Variants in KHDC4 observed in about 807,000 individuals in gnomAD.
The protein encoded by KHDC4 is KH homology domain-containing protein 4.
A neutral mutation model predicts 74.5 loss-of-function variants in KHDC4; 19 were observed. The observed-to-expected ratio is 0.26, with a 90% CI of 0.18 to 0.37. KHDC4 has a LOEUF of 0.37. Among genes scored for constraint, KHDC4 ranks in the 10% least tolerant of loss-of-function variants. The pLI, the probability that KHDC4 is intolerant of heterozygous loss-of-function variation, is 1.00. For synonymous variants in KHDC4, 253 were observed against 266.1 expected, an observed-to-expected ratio of 0.95 and a Z score of 0.48; for missense variants, 632 against 754.1, an observed-to-expected ratio of 0.84 and a Z score of 1.90.
rs1229465309 is a variant in KHDC4, at chr1:155,929,286, G to C, written c.464+10C>G. ...CAACCCTTCCATAAACAAGATAAGA[G>C]AATACGCACCCTGGTCCCACTTTGG... On this transcript the variant is annotated intron_variant, in intron 4 of 13. Transcript: ENST00000368321. 1 of 1,602,282 alleles carries C rather than the reference G, an allele frequency of 6.2e-7. No homozygotes were observed. Among genetic ancestry groups the C allele is most frequent in the African/African-American group, 1.3e-5 (1 of 74,772 alleles).
At chr1:155,923,188 GAAAA>G (rs558697123) in intron 8 of KHDC4, among the ~76,000 whole-genome samples, 8 of 120,820 alleles carry the variant, frequency 6.6e-5, no homozygotes, top group African/African-American at 2.4e-4. Flanking sequence ...CTGGGCGACA[GAAAA>G]AAAAAAAAAA....
chr1:155,928,433 C>T (rs576677130), intron 4 of KHDC4, among the ~76,000 whole-genome samples: 142 of 152,032 alleles, frequency 9.3e-4, no homozygotes, highest in African/African-American at 3.3e-3. Context: ...ATTTTGCCAC[C>T]TTATTTTGTG....
Position 155,926,763 on chromosome 1 carries a change from A to G in KHDC4, c.594T>C (p.Asn198=). The change falls in exon 6 of 14, where the codon AAT becomes AAC. Residue 198 remains asparagine (N), a synonymous_variant. Coordinates refer to ENST00000368321, the MANE Select transcript of KHDC4 (RefSeq NM_014949.4). ...KAATGTSPTF[N]GATVTVYHQP... ...GGTGATAGACAGTTACTGTTGCACC[A>G]TTAAAAGTTGGACTTGTTCCTGTGG... is the stretch of plus-strand genomic sequence containing the variant. The G allele has an allele frequency of 1.2e-6, 2 of 1,614,208 alleles. No individual in the cohort carries two copies. Among genetic ancestry groups the G allele is most frequent in the South Asian group, 1.1e-5 (1 of 91,082 alleles).
At chr1:155,930,751 GA>G (rs1674123456) in intron 2 of KHDC4, among the ~76,000 whole-genome samples, 1 of 152,046 alleles carries the variant, frequency 6.6e-6, no homozygotes, top group Non-Finnish European at 1.5e-5. Context: ...AAAGAAGAAT[GA>G]AAAAACAGTA....
chr1:155,933,464 T>C (rs945840206), intron 2 of KHDC4, 169 bp downstream of exon 2: 15 of 507,324 alleles, frequency 3.0e-5, no homozygotes, highest in African/African-American at 2.9e-4. Context: ...TTTTGTATTT[T>C]CAGTAGAGAC....
intron 10 of KHDC4, among the ~76,000 whole-genome samples, chr1:155,918,396 CTAAT>C (rs1175454152): frequency 1.3e-5 from 2 of 152,104 alleles, no homozygotes; most frequent in African/African-American, 2.4e-5. Flanking sequence ...CCATGCACAA[CTAAT>C]TTTTTTTTGT....
At chr1:155,930,890 T>G (rs1393598866) in intron 2 of KHDC4, among the ~76,000 whole-genome samples, 3 of 152,142 alleles carry the variant, frequency 2.0e-5, no homozygotes, top group Non-Finnish European at 4.4e-5. Context: ...GGTTCGTGCC[T>G]GTAATCCCAG....
At chr1:155,923,179 T>C (rs1355253258) in intron 8 of KHDC4, among the ~76,000 whole-genome samples, 2 of 148,880 alleles carry the variant, frequency 1.3e-5, no homozygotes, top group Non-Finnish European at 3.0e-5. Context: ...CACTCCAGCC[T>C]GGGCGACAGA....
Position 155,926,996 on chromosome 1 carries a change from T to C in KHDC4, c.517+108A>G, listed in dbSNP as rs1572011902. The C allele has an allele frequency of 1.2e-5, 16 of 1,325,142 alleles. No homozygotes were observed. In the East Asian group the frequency reaches 1.4e-4, roughly 11 times the overall value. The allele number at this position is 1,325,142 out of a possible 1,614,324, so 82.1% of individuals were successfully genotyped here. A position where few individuals can be genotyped will look rare whatever the true frequency, so the allele number is the denominator to read the frequency against. ...CCCATACAAATTCGTGTATAGTTCATGAACAAGGGTTAGAACAGCCATCAG... is the reference window on the plus strand; with the variant it reads ...CCCATACAAATTCGTGTATAGTTCACGAACAAGGGTTAGAACAGCCATCAG... On this transcript the variant is annotated intron_variant, in intron 5 of 13. Coordinates refer to ENST00000368321, the MANE Select transcript of KHDC4 (RefSeq NM_014949.4).
intron 2 of KHDC4, among the ~76,000 whole-genome samples, chr1:155,930,583 T>C (rs1674119921): frequency 6.6e-6 from 1 of 152,130 alleles, no homozygotes; most frequent in East Asian, 1.9e-4. Flanking sequence ...AGAGGAGCAA[T>C]GCCTACAATA....
intron 10 of KHDC4, among the ~76,000 whole-genome samples, chr1:155,919,118 C>A (rs1287393220): frequency 1.3e-5 from 2 of 151,880 alleles, no homozygotes; most frequent in Non-Finnish European, 2.9e-5. Flanking sequence ...CAGATGCCTG[C>A]CACCGCGCCC....
At chr1:155,924,021 G>C (rs907169774) in intron 7 of KHDC4, among the ~76,000 whole-genome samples, 1 of 152,176 alleles carries the variant, frequency 6.6e-6, no homozygotes, top group Non-Finnish European at 1.5e-5. Context: ...CTCACTTTAA[G>C]ATTTGCTTTT....
In KHDC4 at chr1:155,933,661, A is replaced by G; in HGVS notation, c.227T>C (p.Leu76Pro). The G allele has an allele frequency of 6.2e-7, 1 of 1,610,228 alleles. No homozygotes were observed. The highest frequency in any genetic ancestry group is 8.5e-7 in the Non-Finnish European group (1 of 1,176,800). ...CTCAGAAGCATTCTGAGTTGGTTTC[A>G]GCTTCCCTTTTGCCATGAGCATGGC... ...INAMLMAKGK[L>P]KPTQNASEKL... Residue 76 changes from leucine (L) to proline (P), a missense_variant, in exon 2 of 14, where the codon CTG (leucine) becomes CCG (proline). Leu to Pro is a moderately conservative substitution (Grantham distance 98). Coordinates refer to ENST00000368321, the MANE Select transcript of KHDC4 (RefSeq NM_014949.4).
intron 2 of KHDC4, 121 bp downstream of exon 2, chr1:155,933,512 C>T (rs1021199710): frequency 4.4e-6 from 3 of 680,720 alleles, no homozygotes; most frequent in African/African-American, 3.6e-5. Flanking sequence ...TCTCAAACTC[C>T]TGACCTTGTG....
rs938235971 is a variant in KHDC4 at position 155,913,890 on chromosome 1, T to C, written c.*231A>G. 2.3e-5 allele frequency: 12 copies of C among 533,314 alleles called. No individual in the cohort carries two copies. In the African/African-American group the frequency reaches 2.3e-4, roughly 10 times the overall value. 33.0% of individuals were successfully genotyped at this position (533,314 alleles called of 1,614,324 possible). A position where few individuals can be genotyped will look rare whatever the true frequency, so the allele number is the denominator to read the frequency against. On this transcript the variant is annotated 3_prime_UTR_variant, in exon 14 of 14. Coordinates refer to ENST00000368321, the MANE Select transcript of KHDC4 (RefSeq NM_014949.4). The stretch of plus-strand genomic sequence containing the variant: ...ACATTTCACCAACTGTTAAAAAGCT[T>C]CTGAGATAAATTTGTGATTCTAATT...
In KHDC4 at chr1:155,925,856, C is replaced by T. The variant is rs550306911; in HGVS notation, c.682-13G>A. On this transcript the variant is annotated splice_polypyrimidine_tract_variant and intron_variant, in intron 6 of 13. Coordinates refer to ENST00000368321, the MANE Select transcript of KHDC4 (RefSeq NM_014949.4). ...GAACATAATGCATCTGTAGGAAGAA[C>T]AGAATACTTCAGATTAAACAGAATA... is the stretch of plus-strand genomic sequence containing the variant. 5.2e-6 allele frequency: 8 copies of T among 1,529,344 alleles called. No individual in the cohort carries two copies. In the East Asian group the frequency reaches 9.0e-5, roughly 17 times the overall value. 94.7% of individuals were successfully genotyped at this position (1,529,344 alleles called of 1,614,324 possible).
At chr1:155,924,436 T>A (rs928815057) in intron 7 of KHDC4, among the ~76,000 whole-genome samples, 2 of 151,912 alleles carry the variant, frequency 1.3e-5, no homozygotes, top group African/African-American at 4.8e-5. Flanking sequence ...ATGGTCTCAA[T>A]CTCCTGACCT....
chr1:155,915,207 C>T (rs1673706154), intron 13 of KHDC4: 1 of 152,068 alleles, frequency 6.6e-6, no homozygotes, highest in East Asian at 1.9e-4. Context: ...GCAACCTCCA[C>T]CTCCCAAGTT....
chr1:155,916,674 C>G lies in KHDC4; in HGVS notation c.1504G>C (p.Ala502Pro). ...GAGGAACTTGCTGGCTTCGATCCTGCACCTTCAATCTCATTCTGACTGGAG... is the reference window on the plus strand; with the variant it reads ...GAGGAACTTGCTGGCTTCGATCCTGGACCTTCAATCTCATTCTGACTGGAG... ...GFSSQNEIEGAGSKPASSSGK... is the reference protein window; with the variant it reads ...GFSSQNEIEGPGSKPASSSGK... The change falls in exon 12 of 14, where the codon GCA becomes CCA. Residue 502 changes from alanine (A) to proline (P), a missense_variant. Around this residue, in one of 4 missense-constraint regions of KHDC4, gnomAD observed 254 missense variants for 267.4 expected, o/e 0.95. Transcript: ENST00000368321. 2 of 1,614,010 alleles carry G rather than the reference C, an allele frequency of 1.2e-6. No individual in the cohort carries two copies. The highest frequency in any genetic ancestry group is 1.7e-6 in the Non-Finnish European group (2 of 1,180,000).
Sources: allele counts gnomAD v4.1 joint callset (sites outside exome capture counted in the v4.1 genomes callset), GRCh38; gene constraint gnomAD v4.1.1; regional missense constraint gnomAD v4.1.1; transcripts MANE v1.5; gene names NCBI Gene and HGNC (gene_info 2026-07-23, HGNC 2026-07-21).